IBTK: variants seen among roughly 807,000 people sequenced by gnomAD.
IBTK encodes the protein BTK-binding protein.
Under a neutral mutation model 154.9 loss-of-function variants are expected in IBTK, and 83 were observed. The observed-to-expected ratio is 0.54, with a 90% CI of 0.45 to 0.64. IBTK has a LOEUF of 0.64. Among genes scored for constraint, IBTK ranks in the 30% least tolerant of loss-of-function variants. The pLI is 0.00. For synonymous variants in IBTK, 515 were observed against 536.1 expected, an observed-to-expected ratio of 0.96 and a Z score of 0.54; for missense variants, 1,332 against 1,584.6, an observed-to-expected ratio of 0.84 and a Z score of 2.71.
chr6:82,196,180 C>T (rs1196515314), intron 22 of IBTK, 118 bp downstream of exon 22: 3 of 825,172 alleles, frequency 3.6e-6, no homozygotes, highest in African/African-American at 1.7e-5. Flanking sequence ...ATTTGTGATT[C>T]TTATATACCA....
intron 17 of IBTK, among the ~76,000 whole-genome samples, chr6:82,203,102 T>C (rs1769271670): frequency 6.6e-6 from 1 of 151,406 alleles, no homozygotes; most frequent in Non-Finnish European, 1.5e-5. Context: ...TATTGAGTTA[T>C]CTATCAGAAT....
chr6:82,183,964 C>G (rs1768414871), intron 25 of IBTK, among the ~76,000 whole-genome samples: 1 of 152,178 alleles, frequency 6.6e-6, no homozygotes, highest in African/African-American at 2.4e-5. Flanking sequence ...GATGCCAGCA[C>G]CTTGATATTG....
intron 2 of IBTK, among the ~76,000 whole-genome samples, chr6:82,239,421 G>C (rs769111407): frequency 6.6e-6 from 1 of 151,950 alleles, no homozygotes; most frequent in South Asian, 2.1e-4. Context: ...CTCCAGCCTC[G>C]GCGACAGAGC....
chr6:82,184,166 C>G (rs569176094), intron 25 of IBTK, among the ~76,000 whole-genome samples: 1 of 152,260 alleles, frequency 6.6e-6, no homozygotes, highest in African/African-American at 2.4e-5. Context: ...GGAAACAGTA[C>G]CTGATTTCCC....
At chr6:82,235,927 G>A (rs1319921885) in intron 2 of IBTK, among the ~76,000 whole-genome samples, 1 of 152,112 alleles carries the variant, frequency 6.6e-6, no homozygotes, top group African/African-American at 2.4e-5. Flanking sequence ...AGGCTGGAGT[G>A]CAATGGCGTG....
chr6:82,199,915 G>A (rs1349834036), intron 21 of IBTK, among the ~76,000 whole-genome samples: 2 of 152,088 alleles, frequency 1.3e-5, no homozygotes, highest in Non-Finnish European at 2.9e-5. Flanking sequence ...CATTCTTCAA[G>A]ACTCAGCTCA....
At chr6:82,194,724 G>T in intron 22 of IBTK, 82 bp from the exon 23 acceptor site, 1 of 862,556 alleles carries the variant, frequency 1.2e-6, no homozygotes. Flanking sequence ...ATAAATATTA[G>T]TTACATTATA....
intron 27 of IBTK, 125 bp from the exon 28 acceptor site, chr6:82,172,637 G>T: frequency 1.4e-6 from 1 of 728,410 alleles, no homozygotes; most frequent in Non-Finnish European, 2.1e-6. Context: ...GAACCTGGAA[G>T]CTTTCACAGA....
chr6:82,214,890 C>T (rs1303847833), intron 11 of IBTK, 61 bp from the exon 12 acceptor site: 5 of 1,479,692 alleles, frequency 3.4e-6, no homozygotes, highest in Non-Finnish European at 4.5e-6. Flanking sequence ...CTTTTTCATA[C>T]CTAGCCAATT....
chr6:82,201,801 C>T (rs138247856), intron 18 of IBTK, among the ~76,000 whole-genome samples: 2,612 of 151,912 alleles, frequency 0.017, 69 homozygotes, highest in African/African-American at 0.059. Context: ...CAGCTCACTG[C>T]AACTGCTGCC....
chr6:82,242,732 G>A (rs1336404947), intron 1 of IBTK, among the ~76,000 whole-genome samples: 2 of 151,868 alleles, frequency 1.3e-5, no homozygotes, highest in Non-Finnish European at 2.9e-5. Context: ...GGACCATGAG[G>A]TCAAAAGATC....
chr6:82,236,803 C>A (rs1046022097), intron 2 of IBTK, among the ~76,000 whole-genome samples: 2 of 152,168 alleles, frequency 1.3e-5, no homozygotes, highest in African/African-American at 2.4e-5. Flanking sequence ...TATCACTGCA[C>A]CCCTTCCAAT....
intron 26 of IBTK, 195 bp from the exon 27 acceptor site, chr6:82,173,633 T>C (rs957353254): frequency 3.2e-5 from 11 of 344,424 alleles, no homozygotes; most frequent in African/African-American, 1.2e-4. Flanking sequence ...TAAAATATCA[T>C]AGAGAAAGAT....
At chr6:82,242,831 G>A (rs1771003437) in intron 1 of IBTK, among the ~76,000 whole-genome samples, 1 of 151,810 alleles carries the variant, frequency 6.6e-6, no homozygotes, top group African/African-American at 2.4e-5. Context: ...CAGCTACTTG[G>A]GAGGCTGAGG....
intron 16 of IBTK, among the ~76,000 whole-genome samples, chr6:82,208,866 T>C (rs1486842979): frequency 6.6e-6 from 1 of 152,000 alleles, no homozygotes; most frequent in East Asian, 1.9e-4. Context: ...ATATCCAGAA[T>C]ATATAAAGAA....
chr6:82,201,694 A>T (rs746945156), intron 18 of IBTK, among the ~76,000 whole-genome samples: 37 of 152,158 alleles, frequency 2.4e-4, no homozygotes, highest in Non-Finnish European at 4.0e-4. Flanking sequence ...ATATTACACA[A>T]ATATCTTGAA....
In IBTK at chr6:82,216,218, C is replaced by A; in HGVS notation, c.1459G>T (p.Asp487Tyr). Residue 487 changes from aspartate (D) to tyrosine (Y), a missense_variant, in exon 11 of 29, where the codon GAT becomes TAT. Asp to Tyr is a radical substitution (Grantham distance 160, BLOSUM62 -3). This residue lies in a region of IBTK where 1,134 missense variants were observed against 1,274.7 expected (regional missense o/e 0.89). Coordinates refer to ENST00000306270, the MANE Select transcript of IBTK (RefSeq NM_015525.4). ...TTTATATCAGAGACATAAGACACAT[C>A]TGATGAGGAATTGTGAAGGTTTGAT... Reference protein sequence around the residue: ...ILSNLHNSSSDVSYVSDINSV... With the variant: ...ILSNLHNSSSYVSYVSDINSV... The A allele has an allele frequency of 6.3e-7, 1 of 1,595,340 alleles. No homozygotes were observed. The highest frequency in any genetic ancestry group is 1.2e-5 in the South Asian group (1 of 86,602).
At chr6:82,203,301 C>A (rs1456177877) in intron 17 of IBTK, among the ~76,000 whole-genome samples, 1 of 152,008 alleles carries the variant, frequency 6.6e-6, no homozygotes. Flanking sequence ...AGAGACTCTC[C>A]CAGAATATTC....
At chr6:82,240,090 A>C (rs113222398) in intron 2 of IBTK, 76 bp downstream of exon 2, 14 of 1,262,118 alleles carry the variant, frequency 1.1e-5, no homozygotes, top group Non-Finnish European at 1.5e-5. Flanking sequence ...TCCAAAAAGC[A>C]TGTAGGATGT....
Sources: allele counts gnomAD v4.1 joint callset (sites outside exome capture counted in the v4.1 genomes callset), GRCh38; gene constraint gnomAD v4.1.1; regional missense constraint gnomAD v4.1.1; transcripts MANE v1.5; gene names NCBI Gene and HGNC (gene_info 2026-07-23, HGNC 2026-07-21).